Variants in SSC4D observed in about 807,000 individuals in gnomAD.
SSC4D encodes the protein scavenger receptor cysteine rich family member with 4 domains.
In SSC4D, 57 loss-of-function variants were observed where a neutral mutation model predicts 63.4. The ratio of observed to expected loss-of-function variants is 0.90; its 90% CI spans 0.73 to 1.12. SSC4D has a LOEUF of 1.12. Ranked by LOEUF, SSC4D falls within the 50% of genes most tolerant of loss-of-function variation. The pLI is 0.00. For synonymous variants in SSC4D, 352 were observed against 345.4 expected (o/e 1.02, Z -0.21); for missense variants, 791 against 806.4 (o/e 0.98, Z 0.23).
intron 1 of SSC4D, among the ~76,000 whole-genome samples, chr7:76,406,238 A>G (rs1038136351): frequency 1.3e-5 from 2 of 152,088 alleles, no homozygotes; most frequent in Non-Finnish European, 2.9e-5. Flanking sequence ...TCAGCCTCCC[A>G]AAGTGCTGGG....
At chr7:76,404,179 A>G (rs545533883) in intron 2 of SSC4D, 128 bp downstream of exon 2, 1 of 1,334,498 alleles carries the variant, frequency 7.5e-7, no homozygotes, top group African/African-American at 1.5e-5. Flanking sequence ...AACTCTGGGC[A>G]AAGGTCAGCA....
At chr7:76,404,286 G>A in intron 2 of SSC4D, 21 bp downstream of exon 2, 1 of 1,557,004 alleles carries the variant, frequency 6.4e-7, no homozygotes, top group East Asian at 2.3e-5. Flanking sequence ...AAGTGGCAAG[G>A]GCTAACAGGG....
In SSC4D at chr7:76,389,662, G is replaced by A. The variant is rs955656682; in HGVS notation, c.*397C>T. 2.1e-5 allele frequency: 4 copies of A among 190,824 alleles called. No individual in the cohort carries two copies. Among genetic ancestry groups the A allele is most frequent in the Admixed American group, 1.6e-4 (3 of 18,708 alleles). 11.8% of individuals were successfully genotyped at this position (190,824 alleles called of 1,614,324 possible). A position where few individuals can be genotyped will look rare whatever the true frequency, so the allele number is the denominator to read the frequency against. On this transcript the variant is annotated 3_prime_UTR_variant, in exon 11 of 11. Transcript: ENST00000275560. ...TCCCTCTTCTTGGGGATCCCAAGAT[G>A]GGTTGGGGGAAGAGGAGATACCCCA... is the stretch of plus-strand genomic sequence containing the variant.
chr7:76,393,682 C>A lies in SSC4D; in HGVS notation c.1056G>T (p.Pro352=). ...GRLRLVGGPG[P]CRGRVEVLHA... is the part of the protein sequence containing the mutation. ...GCAACACCTCCACGCGGCCGCGGCA[C>A]GGACCCGGGCCGCCCACCAGTCGCA... Residue 352 remains proline (P), a synonymous_variant, in exon 9 of 11, where the codon CCG becomes CCT. Coordinates refer to ENST00000275560, the MANE Select transcript of SSC4D (RefSeq NM_080744.2). The A allele has an allele frequency of 7.2e-7, 1 of 1,394,030 alleles. No homozygotes were observed. The highest frequency in any genetic ancestry group is 3.6e-5 in the Admixed American group (1 of 27,698). 86.4% of individuals were successfully genotyped at this position (1,394,030 alleles called of 1,614,324 possible).
At chr7:76,397,349 A>G (rs1804665717) in intron 6 of SSC4D, among the ~76,000 whole-genome samples, 169 bp downstream of exon 6, 1 of 152,244 alleles carries the variant, frequency 6.6e-6, no homozygotes, top group Non-Finnish European at 1.5e-5. Flanking sequence ...CTTCTAGAAC[A>G]GGACTGAGAT....
chr7:76,393,742 A>G, intron 8 of SSC4D, 26 bp from the exon 9 acceptor site: 1 of 1,418,120 alleles, frequency 7.1e-7, no homozygotes, highest in Non-Finnish European at 9.2e-7. Context: ...GCCCGCGGCC[A>G]GAGGGGCTGG....
Position 76,404,401 on chromosome 7 carries a change from C to T in SSC4D, c.39G>A (p.Leu13=). 6.2e-7 allele frequency: 1 copy of T among 1,614,080 alleles called. No individual in the cohort carries two copies. The highest frequency in any genetic ancestry group is 8.5e-7 in the Non-Finnish European group (1 of 1,180,008). The change falls in exon 2 of 11, where the codon CTG becomes CTA. Residue 13 remains leucine, a synonymous_variant. Transcript: ENST00000275560. ...KEAEMLIGPQ[L]DEKRWGWRLG... is the part of the protein sequence containing the mutation. ...ACCTCCACCCCCAGCGCTTCTCATCCAGCTGGGGACCAATTAGCATCTCTG... is the reference window on the plus strand; with the variant it reads ...ACCTCCACCCCCAGCGCTTCTCATCTAGCTGGGGACCAATTAGCATCTCTG...
At chr7:76,409,101 A>G (rs1196751247) in intron 1 of SSC4D, among the ~76,000 whole-genome samples, 3 of 152,144 alleles carry the variant, frequency 2.0e-5, no homozygotes, top group Non-Finnish European at 2.9e-5. Flanking sequence ...CTGTTTCTCC[A>G]TCGAGACTGC....
Position 76,393,631 on chromosome 7 carries a change from G to A in SSC4D, c.1107C>T (p.Cys369=), listed in dbSNP as rs1394306471. ...VLHAGGWGTV[C]DDDWDFADAR... ...CGTCCGCAAAGTCCCAGTCATCGTC[G>A]CACACGGTGCCCCAGCCCCCGGCGT... is the stretch of plus-strand genomic sequence containing the variant. Residue 369 remains cysteine (C), a synonymous_variant, in exon 9 of 11, where the codon TGC becomes TGT. Coordinates refer to ENST00000275560, the MANE Select transcript of SSC4D (RefSeq NM_080744.2). 3.3e-6 allele frequency: 5 copies of A among 1,493,666 alleles called. No homozygotes were observed. The Admixed American group carries it at 8.7e-5, about 26-fold the overall frequency. 92.5% of individuals were successfully genotyped at this position (1,493,666 alleles called of 1,614,324 possible). A position where few individuals can be genotyped will look rare whatever the true frequency, so the allele number is the denominator to read the frequency against.
At chr7:76,409,175 A>G (rs1381768017) in intron 1 of SSC4D, among the ~76,000 whole-genome samples, 2 of 152,138 alleles carry the variant, frequency 1.3e-5, no homozygotes, top group African/African-American at 2.4e-5. Flanking sequence ...GTGGATACTC[A>G]GGAAATGTTT....
In SSC4D at chr7:76,393,590, C is replaced by A. The variant is rs1262027910; in HGVS notation, c.1148G>T (p.Arg383Leu). ...CAGCGCAGGCCCGCAGCCCGCTTCG[C>A]GGCAGGCCACGCGCGCGTCCGCAAA... ...WDFADARVAC[R>L]EAGCGPALGA... The change falls in exon 9 of 11, where the codon CGC (arginine) becomes CTC (leucine). Residue 383 changes from arginine to leucine, a missense_variant. By Grantham distance (102) the Arg-to-Leu change is moderately radical. Coordinates refer to ENST00000275560, the MANE Select transcript of SSC4D (RefSeq NM_080744.2). 6.6e-7 allele frequency: 1 copy of A among 1,508,416 alleles called. No homozygotes were observed. Among genetic ancestry groups the A allele is most frequent in the East Asian group, 2.7e-5 (1 of 37,520 alleles). 93.4% of individuals were successfully genotyped at this position (1,508,416 alleles called of 1,614,324 possible).
intron 4 of SSC4D, among the ~76,000 whole-genome samples, chr7:76,399,509 C>T (rs1219660538): frequency 6.6e-6 from 1 of 151,964 alleles, no homozygotes; most frequent in Admixed American, 6.6e-5. Flanking sequence ...ACGTGGAGCG[C>T]ATGGCCAGTG....
At chr7:76,394,052 G>A (rs1041644322) in intron 7 of SSC4D, 148 bp from the exon 8 acceptor site, 1 of 742,814 alleles carries the variant, frequency 1.3e-6, no homozygotes. Flanking sequence ...ACGTTGTCTG[G>A]CGCGGGTTGG....
rs144685336 is a variant in SSC4D at position 76,400,363 on chromosome 7, G to T, written c.398C>A (p.Ala133Glu). The change falls in exon 4 of 11, where the codon GCG (alanine) becomes GAG (glutamate). Residue 133 changes from alanine to glutamate, a missense_variant. Coordinates refer to ENST00000275560, the MANE Select transcript of SSC4D (RefSeq NM_080744.2). ...GCCGCGGCTGCCGCACTCGCTCAGC[G>T]CAGCTTCCTGCCCGCGGCACTCCAC... The part of the protein sequence containing the change: ...DNVECRGQEA[A>E]LSECGSRGWG... 1 of 1,582,480 alleles carries T rather than the reference G, an allele frequency of 6.3e-7. No individual in the cohort carries two copies. The highest frequency in any genetic ancestry group is 8.6e-7 in the Non-Finnish European group (1 of 1,160,846).
At position 76,402,623 on chromosome 7, in the gene SSC4D, G is replaced by A. The variant is rs1235802577; in HGVS notation, c.134-1580C>T. Among the ~76,000 whole-genome samples the A allele has an allele frequency of 3.3e-5, 5 of 151,886 alleles. 1 individual carries two copies. The highest frequency in any genetic ancestry group is 6.9e-3 in the Middle Eastern group (2 of 290). On this transcript the variant is annotated intron_variant, in intron 2 of 10. Coordinates refer to ENST00000275560, the MANE Select transcript of SSC4D (RefSeq NM_080744.2). ...TGTGAGCCACCTTGCCTGGCCTTGA[G>A]TCTTTCTGCTTCAGCCATCATGTAT...
At chr7:76,406,667 C>CTT (rs1805044882) in intron 1 of SSC4D, among the ~76,000 whole-genome samples, 4 of 151,030 alleles carry the variant, frequency 2.6e-5, no homozygotes, top group Admixed American at 2.0e-4. Context: ...TTCTTTTTTT[C>CTT]TTTTTAGTAG....
chr7:76,398,790 C>T lies in SSC4D; in HGVS notation c.483G>A (p.Leu161=), dbSNP rs1584024263. ...EDVAVLCDEF[L]PTQPPTRKML... is the part of the protein sequence containing the mutation. ...TCTTCCTTGTTGGGGGCTGCGTTGG[C>T]AAGAATTCTGGAAAGGAAGTGAAGT... Residue 161 remains leucine, a synonymous_variant, in exon 5 of 11, where the codon TTG becomes TTA. Transcript: ENST00000275560. The T allele has an allele frequency of 6.2e-7, 1 of 1,612,604 alleles. No individual in the cohort carries two copies. The highest frequency in any genetic ancestry group is 2.2e-5 in the East Asian group (1 of 44,844).
intron 3 of SSC4D, 85 bp downstream of exon 3, chr7:76,400,921 TAG>T (rs1804803389): frequency 6.6e-7 from 1 of 1,515,914 alleles, no homozygotes; most frequent in South Asian, 1.2e-5. Context: ...GGGGGCTGGT[TAG>T]TCATCACTTC....
At position 76,398,752 on chromosome 7, in the gene SSC4D, C is replaced by G. The variant is rs1432683264; in HGVS notation, c.521G>C (p.Arg174Thr). Residue 174 changes from arginine to threonine, a missense_variant, in exon 5 of 11, where the codon AGA (arginine) becomes ACA (threonine). By Grantham distance (71) the Arg-to-Thr change is moderately conservative. Transcript: ENST00000275560. Reference sequence around the variant, plus strand: ...ATTCGGCAGTGTCGTAGGAGGTGCTCTACTGGTTAACATCTTCCTTGTTGG... The same window carrying G: ...ATTCGGCAGTGTCGTAGGAGGTGCTGTACTGGTTAACATCTTCCTTGTTGG... ...QPPTRKMLTS[R>T]APPTTLPNGK... The G allele has an allele frequency of 6.2e-7, 1 of 1,613,582 alleles. No individual in the cohort carries two copies. The highest frequency in any genetic ancestry group is 1.7e-5 in the Admixed American group (1 of 59,992).
Sources: gnomAD v4.1 joint callset for allele counts (sites outside exome capture counted in the v4.1 genomes callset) on GRCh38, gnomAD v4.1.1 for gene constraint, MANE v1.5 for transcripts, NCBI Gene and HGNC (gene_info 2026-07-23, HGNC 2026-07-21) for gene names.